The following TET2 variants were observed in gnomAD, a reference collection of about 807,000 sequenced individuals.
TET2 encodes methylcytosine dioxygenase TET2.
In TET2, 299 loss-of-function variants were observed where a neutral mutation model predicts 142.9. The observed-to-expected ratio is 2.09, with a 90% CI of 1.90 to 2.30. TET2 has a LOEUF of 2.30. Among genes scored for constraint, TET2 ranks in the 30% most tolerant of loss-of-function variants. The probability of loss-of-function intolerance (pLI) is 0.00; values close to 1 mark genes in which losing one functional copy is unlikely to be tolerated. For synonymous variants in TET2, 819 were observed against 849.0 expected (o/e 0.96, Z 0.61); for missense variants, 2,418 against 2,378.0 (o/e 1.02, Z -0.35).
intron 2 of TET2, among the ~76,000 whole-genome samples, chr4:105,224,405 AT>A (rs1728047791): frequency 2.6e-5 from 4 of 152,164 alleles, no homozygotes; most frequent in Admixed American, 2.6e-4. Flanking sequence ...GCCTGTCATA[AT>A]TATGATGGAT....
chr4:105,238,974 A>C (rs921598082), intron 3 of TET2: 1 of 242,644 alleles, frequency 4.1e-6, no homozygotes, highest in Non-Finnish European at 8.7e-6. Context: ...ATTAACAGGC[A>C]CGAAAACAGC....
intron 4 of TET2, 157 bp from the exon 5 acceptor site, chr4:105,242,677 G>A (rs1311148711): frequency 7.2e-7 from 1 of 1,380,390 alleles, no homozygotes; most frequent in African/African-American, 1.5e-5. Flanking sequence ...CCATTATCCA[G>A]TTTGCTTGGC....
At chr4:105,264,582 A>C (rs1730599770) in intron 8 of TET2, among the ~76,000 whole-genome samples, 1 of 152,208 alleles carries the variant, frequency 6.6e-6, no homozygotes, top group Admixed American at 6.5e-5. Context: ...AATATGTTCA[A>C]GTTTTAATAT....
chr4:105,163,807 G>C (rs1029407070), intron 1 of TET2, among the ~76,000 whole-genome samples: 1 of 7,802 alleles, frequency 1.3e-4, no homozygotes, highest in Non-Finnish European at 2.4e-4. Context: ...CGAAAGTTTC[G>C]AGAGAGAGAG....
At chr4:105,186,229 C>T (rs1056227379) in intron 1 of TET2, among the ~76,000 whole-genome samples, 2 of 151,764 alleles carry the variant, frequency 1.3e-5, no homozygotes, top group Middle Eastern at 6.8e-3. Flanking sequence ...GACCCTGTCT[C>T]AAGAAAACAA....
At chr4:105,254,864 G>T (rs1415721472) in intron 6 of TET2, among the ~76,000 whole-genome samples, 1 of 152,178 alleles carries the variant, frequency 6.6e-6, no homozygotes, top group Non-Finnish European at 1.5e-5. Flanking sequence ...TCACAAAACT[G>T]TGAGGAACCT....
At chr4:105,255,958 T>A (rs1001667478) in intron 6 of TET2, among the ~76,000 whole-genome samples, 4 of 152,118 alleles carry the variant, frequency 2.6e-5, no homozygotes, top group Non-Finnish European at 5.9e-5. Flanking sequence ...TACAACTAAC[T>A]TATAACAGCT....
rs781583168 is a variant in TET2, at chr4:105,235,447, C to G, written c.1505C>G (p.Ser502Cys). 1 of 1,614,162 alleles carries G rather than the reference C, an allele frequency of 6.2e-7. No homozygotes were observed. Among genetic ancestry groups the G allele is most frequent in the Non-Finnish European group, 8.5e-7 (1 of 1,180,026 alleles). ...TAGTMTVPLC[S>C]EKTRPMSEHL... ...GGGACAATGACTGTTCCATTGTGTT[C>G]TGAGAAAACAAGACCAATGTCAGAA... The change falls in exon 3 of 11, where the codon TCT becomes TGT. Residue 502 changes from serine to cysteine, a missense_variant. Transcript: ENST00000380013.
At chr4:105,239,077 T>TTTTTGTTTTG (rs1553914867) in intron 3 of TET2, 3 of 235,510 alleles carry the variant, frequency 1.3e-5, no homozygotes, top group African/African-American at 6.7e-5. Flanking sequence ...GTTTTTTGTT[T>TTTTTGTTTTG]TTTTTTTTTG....
chr4:105,150,655 G>T (rs1253556322), intron 1 of TET2, among the ~76,000 whole-genome samples: 2 of 152,160 alleles, frequency 1.3e-5, no homozygotes, highest in Non-Finnish European at 2.9e-5. Flanking sequence ...TAGAGCTGGT[G>T]GTTATCTGGG....
At chr4:105,183,789 TG>T in intron 1 of TET2, among the ~76,000 whole-genome samples, 1 of 152,290 alleles carries the variant, frequency 6.6e-6, no homozygotes, top group East Asian at 1.9e-4. Context: ...CACAAATACC[TG>T]AAGTTCCTTG....
chr4:105,242,749 TATGCTCAA>T lies in TET2; in HGVS notation c.3501-81_3501-74del. ...TCAGGATGTGGTCATAGAATAAAGT[TATGCTCAA>T]ATGTTCAAATATTTTGATTGCCTCT... On this transcript the variant is annotated intron_variant, in intron 4 of 10. Transcript: ENST00000380013. The T allele has an allele frequency of 1.3e-6, 2 of 1,518,564 alleles. 1 individual carries two copies. The highest frequency in any genetic ancestry group is 2.6e-5 in the South Asian group (2 of 77,906). 94.1% of individuals were successfully genotyped at this position (1,518,564 alleles called of 1,614,324 possible).
intron 2 of TET2, among the ~76,000 whole-genome samples, chr4:105,200,272 T>A (rs1304927628): frequency 2.6e-5 from 4 of 152,194 alleles, no homozygotes; most frequent in African/African-American, 9.7e-5. Context: ...TGGTTTTGAT[T>A]TGCATTTCTC....
chr4:105,244,584 ATGTTTTTTTTT>A (rs1201927915), intron 6 of TET2, among the ~76,000 whole-genome samples: 17 of 116,748 alleles, frequency 1.5e-4, no homozygotes, highest in Admixed American at 4.5e-4. Context: ...CTACACAGAA[ATGTTTTTTTTT>A]TTTTTTTTTT....
intron 6 of TET2, among the ~76,000 whole-genome samples, chr4:105,247,724 T>C (rs992320537): frequency 1.5e-5 from 2 of 135,968 alleles, no homozygotes; most frequent in Non-Finnish European, 3.2e-5. Context: ...CTTTTTTTTT[T>C]TTTTTTTTTT....
chr4:105,202,648 T>C (rs1393496954), intron 2 of TET2: 2 of 152,236 alleles, frequency 1.3e-5, no homozygotes, highest in Admixed American at 1.3e-4. Context: ...TTTTGGTCTC[T>C]TCTAAATGAC....
chr4:105,224,684 G>GTCTCTCTCTCTT (rs1728066653), intron 2 of TET2, among the ~76,000 whole-genome samples: 1 of 108,106 alleles, frequency 9.3e-6, no homozygotes, highest in Non-Finnish European at 1.9e-5. Context: ...ATATCAGCCA[G>GTCTCTCTCTCTT]TCTCTCTCTC....
intron 8 of TET2, among the ~76,000 whole-genome samples, chr4:105,267,347 T>A (rs2110296706): frequency 6.6e-6 from 1 of 152,078 alleles, no homozygotes; most frequent in East Asian, 1.9e-4. Flanking sequence ...AAAAGACTTT[T>A]AAAAAAATGA....
chr4:105,157,060 CTTTT>C (rs1347526355), intron 1 of TET2, among the ~76,000 whole-genome samples: 1 of 152,052 alleles, frequency 6.6e-6, no homozygotes, highest in Non-Finnish European at 1.5e-5. Context: ...TGATTATTAG[CTTTT>C]TTGTTTGTTC....
Sources: allele counts gnomAD v4.1 joint callset (sites outside exome capture counted in the v4.1 genomes callset), GRCh38; gene constraint gnomAD v4.1.1; transcripts MANE v1.5; gene names NCBI Gene and HGNC (gene_info 2026-07-23, HGNC 2026-07-21).